GBE1: variants seen among roughly 807,000 people sequenced by gnomAD.
GBE1 encodes the protein 1,4-alpha-glucan-branching enzyme.
GBE1 carries 70 observed loss-of-function variants against 88.8 expected under a neutral mutation model. The observed-to-expected ratio is 0.79, with a 90% CI of 0.65 to 0.96. The LOEUF is 0.96. Among genes scored for constraint, GBE1 ranks in the 40% least tolerant of loss-of-function variants. The probability of loss-of-function intolerance (pLI) is 0.00; values close to 1 mark genes in which losing one functional copy is unlikely to be tolerated. For synonymous variants in GBE1, 284 were observed against 300.1 expected, an observed-to-expected ratio of 0.95 and a Z score of 0.56; for missense variants, 872 against 871.0, an observed-to-expected ratio of 1.00 and a Z score of -0.01.
At chr3:81,535,466 C>T (rs751899521) in intron 13 of GBE1, 141 bp from the exon 14 acceptor site, 2 of 840,004 alleles carry the variant, frequency 2.4e-6, no homozygotes, top group East Asian at 5.9e-5. Flanking sequence ...GAACATGTTA[C>T]AATTTTGCTG....
intron 1 of GBE1, among the ~76,000 whole-genome samples, chr3:81,750,040 C>G (rs1479574906): frequency 6.6e-6 from 1 of 152,040 alleles, no homozygotes; most frequent in Admixed American, 6.6e-5. Flanking sequence ...CAAAAAGAAG[C>G]CTGTTAGTTT....
intron 2 of GBE1, among the ~76,000 whole-genome samples, chr3:81,684,813 G>T (rs1705409062): frequency 6.6e-6 from 1 of 152,132 alleles, no homozygotes; most frequent in Non-Finnish European, 1.5e-5. Flanking sequence ...CATTAGGCAT[G>T]TCAATATAGC....
intron 3 of GBE1, among the ~76,000 whole-genome samples, chr3:81,664,582 T>C: frequency 6.6e-6 from 1 of 152,272 alleles, no homozygotes; most frequent in East Asian, 1.9e-4. Flanking sequence ...ATGTTAAAAT[T>C]ATTTTTATAT....
intron 2 of GBE1, among the ~76,000 whole-genome samples, chr3:81,695,519 C>A (rs950333177): frequency 2.0e-5 from 3 of 152,110 alleles, no homozygotes; most frequent in African/African-American, 7.2e-5. Flanking sequence ...TAACTACTAA[C>A]AGGTATGAGG....
chr3:81,579,326 G>A (rs1056028007), intron 11 of GBE1, among the ~76,000 whole-genome samples: 25 of 151,888 alleles, frequency 1.6e-4, no homozygotes, highest in African/African-American at 5.6e-4. Flanking sequence ...AAGTACATTT[G>A]CTTTTAGAAA....
intron 4 of GBE1, 120 bp downstream of exon 4, chr3:81,649,676 A>C (rs1465275129): frequency 1.4e-6 from 1 of 735,058 alleles, no homozygotes; most frequent in African/African-American, 1.8e-5. Flanking sequence ...ACTATGATGT[A>C]AAATACGCAA....
At chr3:81,513,367 G>A (rs1009975695) in intron 14 of GBE1, among the ~76,000 whole-genome samples, 2 of 151,444 alleles carry the variant, frequency 1.3e-5, no homozygotes, top group South Asian at 2.1e-4. Context: ...CCAGTACTGC[G>A]AAAGGACTGA....
intron 3 of GBE1, chr3:81,655,114 A>G (rs2107085167): frequency 6.6e-6 from 1 of 152,338 alleles, no homozygotes; most frequent in Non-Finnish European, 1.5e-5. Context: ...ATACCAGTGT[A>G]CAATGCTGAA....
chr3:81,593,969 A>G lies in GBE1; in HGVS notation c.1047T>C (p.Tyr349=), dbSNP rs1257822988. ...CATCAAAACGAAATCCATCAAAGCG[A>G]TATTCTTCCAACCACCATCTTATGT... ...LSNIRWWLEE[Y]RFDGFRFDGV... Residue 349 remains tyrosine, a synonymous_variant, in exon 8 of 16, where the codon TAT becomes TAC. Coordinates refer to ENST00000429644, the MANE Select transcript of GBE1 (RefSeq NM_000158.4). 1 of 1,586,672 alleles carries G rather than the reference A, an allele frequency of 6.3e-7. No homozygotes were observed. Among genetic ancestry groups the G allele is most frequent in the Admixed American group, 1.8e-5 (1 of 56,446 alleles).
intron 7 of GBE1, among the ~76,000 whole-genome samples, chr3:81,615,815 T>A (rs1030306709): frequency 2.0e-5 from 3 of 152,356 alleles, no homozygotes; most frequent in African/African-American, 7.2e-5. Flanking sequence ...CTTGCTGGCA[T>A]GTATGACAAC....
chr3:81,553,688 GA>G (rs58928162), intron 12 of GBE1, among the ~76,000 whole-genome samples: 86,643 of 133,400 alleles, frequency 0.65, 27,914 homozygotes, highest in East Asian at 0.93. Context: ...AGAGCCATAA[GA>G]AAAAAAAAAA....
chr3:81,686,735 A>G (rs867773119), intron 2 of GBE1, among the ~76,000 whole-genome samples: 20 of 152,340 alleles, frequency 1.3e-4, no homozygotes, highest in Admixed American at 2.6e-4. Context: ...AGCCTGGGCA[A>G]CAAGAGCGAA....
At chr3:81,589,887 A>T (rs1457876402) in intron 9 of GBE1, among the ~76,000 whole-genome samples, 1 of 152,112 alleles carries the variant, frequency 6.6e-6, no homozygotes, top group Non-Finnish European at 1.5e-5. Flanking sequence ...GATATTCAGC[A>T]CAAAAAATAT....
At chr3:81,635,831 G>GAGC (rs1168689360) in intron 7 of GBE1, among the ~76,000 whole-genome samples, 5 of 152,160 alleles carry the variant, frequency 3.3e-5, no homozygotes, top group African/African-American at 1.2e-4. Flanking sequence ...TTAGGGCAAT[G>GAGC]AGCAGCATTT....
In GBE1 at chr3:81,490,448, T is replaced by C. The variant is rs1190877347; in HGVS notation, c.2068A>G (p.Arg690Gly). The C allele has an allele frequency of 1.2e-6, 2 of 1,612,940 alleles. No individual in the cohort carries two copies. The highest frequency in any genetic ancestry group is 1.7e-5 in the Admixed American group (1 of 59,904). ...ACATTCTGAAGGATGAGGGCCACTCTGCTTGGAATGTACACCTACGTCAAA... is the reference window on the plus strand; with the variant it reads ...ACATTCTGAAGGATGAGGGCCACTCCGCTTGGAATGTACACCTACGTCAAA... ...PYSLLVYIPS[R>G]VALILQNVDL... The change falls in exon 16 of 16, where the codon AGA becomes GGA. Residue 690 changes from arginine (R) to glycine (G), a missense_variant. Transcript: ENST00000429644.
At chr3:81,555,527 C>T (rs1703335203) in intron 12 of GBE1, among the ~76,000 whole-genome samples, 1 of 152,206 alleles carries the variant, frequency 6.6e-6, no homozygotes, top group Non-Finnish European at 1.5e-5. Context: ...AGTTTCATTA[C>T]TTAAATTATG....
intron 2 of GBE1, among the ~76,000 whole-genome samples, chr3:81,671,450 T>C (rs1271649266): frequency 6.6e-6 from 1 of 151,864 alleles, no homozygotes; most frequent in Non-Finnish European, 1.5e-5. Context: ...ATATAAAGTA[T>C]AGGAAGTAAA....
chr3:81,515,639 A>C (rs1702788123), intron 14 of GBE1, among the ~76,000 whole-genome samples: 1 of 151,698 alleles, frequency 6.6e-6, no homozygotes, highest in Admixed American at 6.6e-5. Context: ...CTTAGTGAGA[A>C]AGGCATGTTC....
At chr3:81,759,707 CTTT>C (rs1706653222) in intron 1 of GBE1, among the ~76,000 whole-genome samples, 1 of 152,188 alleles carries the variant, frequency 6.6e-6, no homozygotes, top group Non-Finnish European at 1.5e-5. Flanking sequence ...CTCTTCCCTT[CTTT>C]ATCTTGGCCT....
Sources: gnomAD v4.1 joint callset for allele counts (sites outside exome capture counted in the v4.1 genomes callset) on GRCh38, gnomAD v4.1.1 for gene constraint, MANE v1.5 for transcripts, NCBI Gene and HGNC (gene_info 2026-07-23, HGNC 2026-07-21) for gene names.